The following CC2D2A variants were observed in gnomAD, a reference collection of about 807,000 sequenced individuals.
CC2D2A encodes coiled-coil and C2 domain containing 2A, also known as coiled-coil and C2 domain-containing protein 2A.
Under a neutral mutation model 212.9 loss-of-function variants are expected in CC2D2A, and 155 were observed. The observed-to-expected ratio is 0.73, with a 90% CI of 0.64 to 0.83. The LOEUF (loss-of-function observed/expected upper bound fraction) is 0.83, where lower values mean the gene tolerates loss of function less well. Ranked by LOEUF, CC2D2A falls within the 40% of genes least tolerant of loss-of-function variation. The pLI is 0.00. For synonymous variants in CC2D2A, 667 were observed against 686.5 expected, an observed-to-expected ratio of 0.97 and a Z score of 0.44; for missense variants, 1,856 against 1,956.2, an observed-to-expected ratio of 0.95 and a Z score of 0.97.
At chr4:15,499,335 T>A (rs1421825870) in intron 4 of CC2D2A, among the ~76,000 whole-genome samples, 1 of 152,188 alleles carries the variant, frequency 6.6e-6, no homozygotes. Context: ...GGTGCAATCA[T>A]CAGGGAAAGT....
At chr4:15,568,013 TG>T (rs1719974822) in intron 26 of CC2D2A, among the ~76,000 whole-genome samples, 1 of 152,190 alleles carries the variant, frequency 6.6e-6, no homozygotes, top group Admixed American at 6.5e-5. Context: ...GATTCATTGT[TG>T]GGACATCCTA....
intron 4 of CC2D2A, among the ~76,000 whole-genome samples, chr4:15,495,214 T>C (rs1197793367): frequency 6.6e-6 from 1 of 152,206 alleles, no homozygotes; most frequent in Non-Finnish European, 1.5e-5. Context: ...GTTCAAGTGA[T>C]TCTCCTGCCT....
At chr4:15,555,645 G>A (rs190939470) in intron 20 of CC2D2A, among the ~76,000 whole-genome samples, 1 of 152,286 alleles carries the variant, frequency 6.6e-6, no homozygotes, top group East Asian at 1.9e-4. Flanking sequence ...AGGCTGAGGT[G>A]GGAGGATCAA....
chr4:15,495,097 T>A (rs556996075), intron 4 of CC2D2A, among the ~76,000 whole-genome samples: 18 of 152,084 alleles, frequency 1.2e-4, no homozygotes, highest in African/African-American at 3.9e-4. Flanking sequence ...AAATACCCAA[T>A]GTCTGTTGTT....
chr4:15,519,382 A>C (rs1717074653), intron 11 of CC2D2A: 1 of 413,622 alleles, frequency 2.4e-6, no homozygotes, highest in Admixed American at 2.6e-5. Flanking sequence ...CCATTCAACA[A>C]GTCTCTAGGG....
chr4:15,492,672 G>A, intron 4 of CC2D2A: 1 of 616,070 alleles, frequency 1.6e-6, no homozygotes, highest in Non-Finnish European at 3.0e-6. Flanking sequence ...CAGCAGCTGA[G>A]GGTCTCTCTC....
intron 20 of CC2D2A, among the ~76,000 whole-genome samples, chr4:15,556,039 T>C (rs1312173774): frequency 6.6e-6 from 1 of 152,258 alleles, no homozygotes; most frequent in Non-Finnish European, 1.5e-5. Flanking sequence ...TCATTTAGGT[T>C]TCACTTAAGT....
chr4:15,536,921 G>A lies in CC2D2A; in HGVS notation c.1609G>A (p.Glu537Lys), dbSNP rs1370546657. 12 of 1,613,058 alleles carry A rather than the reference G, an allele frequency of 7.4e-6. No homozygotes were observed. The highest frequency in any genetic ancestry group is 1.0e-5 in the Non-Finnish European group (12 of 1,179,410). Reference sequence around the variant, plus strand: ...AAGGGACTACAAATTATTTTAAAGGGAAAAAGCTGACCAGAAAGCAGATGA... The same window carrying A: ...AAGGGACTACAAATTATTTTAAAGGAAAAAAGCTGACCAGAAAGCAGATGA... Reference protein sequence around the residue: ...NTPLKLVLRKEKADQKADEEA... With the variant: ...NTPLKLVLRKKKADQKADEEA... The change falls in exon 15 of 37, where the codon GAA (glutamate) becomes AAA (lysine). Residue 537 changes from glutamate to lysine, a missense_variant and splice_region_variant. Transcript: ENST00000424120.
At chr4:15,517,482 A>G (rs1716951056) in intron 11 of CC2D2A, among the ~76,000 whole-genome samples, 1 of 152,180 alleles carries the variant, frequency 6.6e-6, no homozygotes, top group Non-Finnish European at 1.5e-5. Context: ...GTCTGGTAAC[A>G]AGCTGCCTAA....
rs1379685075 is a variant in CC2D2A, at chr4:15,557,518, G to T, written c.2829+11G>T. On this transcript the variant is annotated intron_variant, in intron 21 of 36. Coordinates refer to ENST00000424120, the MANE Select transcript of CC2D2A (RefSeq NM_001378615.1). Reference sequence around the variant, plus strand: ...GAAAAGGTATTCCAGGTAAGAAACTGCCATAGAGGGGTTAATAAAATAATA... The same window carrying T: ...GAAAAGGTATTCCAGGTAAGAAACTTCCATAGAGGGGTTAATAAAATAATA... 2 of 1,552,230 alleles carry T rather than the reference G, an allele frequency of 1.3e-6. No individual in the cohort carries two copies. Among genetic ancestry groups the T allele is most frequent in the Non-Finnish European group, 1.8e-6 (2 of 1,138,686 alleles).
At chr4:15,552,245 C>T (rs1719042279) in intron 18 of CC2D2A, among the ~76,000 whole-genome samples, 1 of 152,198 alleles carries the variant, frequency 6.6e-6, no homozygotes. Flanking sequence ...TGTGTGATCA[C>T]TATTTGCCAG....
chr4:15,474,416 G>C (rs1479727105), intron 1 of CC2D2A, among the ~76,000 whole-genome samples: 2 of 152,112 alleles, frequency 1.3e-5, no homozygotes, highest in Non-Finnish European at 2.9e-5. Context: ...TGGAGATAGA[G>C]AAGAGAAGGA....
chr4:15,568,891 G>C (rs1041910290), intron 26 of CC2D2A, among the ~76,000 whole-genome samples: 1 of 152,166 alleles, frequency 6.6e-6, no homozygotes, highest in African/African-American at 2.4e-5. Flanking sequence ...CTGGAGAGTG[G>C]TTTTGCTGGA....
intron 7 of CC2D2A, among the ~76,000 whole-genome samples, 185 bp downstream of exon 7, chr4:15,510,425 A>G (rs994797547): frequency 7.9e-5 from 12 of 152,056 alleles, no homozygotes; most frequent in Non-Finnish European, 4.4e-5. Flanking sequence ...GCGAAACCCC[A>G]TCTCTACAAA....
At chr4:15,596,606 G>T (rs941817396) in intron 34 of CC2D2A, among the ~76,000 whole-genome samples, 6 of 152,136 alleles carry the variant, frequency 3.9e-5, no homozygotes, top group African/African-American at 4.8e-5. Context: ...GTAGTAGATT[G>T]TAAGTAGTAA....
intron 8 of CC2D2A, among the ~76,000 whole-genome samples, chr4:15,513,251 T>C (rs533427893): frequency 1.4e-4 from 22 of 152,224 alleles, no homozygotes; most frequent in Non-Finnish European, 2.9e-4. Context: ...CAAAAGCAAG[T>C]GATCTAGGGG....
At chr4:15,557,212 A>G in intron 20 of CC2D2A, 92 bp from the exon 21 acceptor site, 1 of 728,548 alleles carries the variant, frequency 1.4e-6, no homozygotes, top group Non-Finnish European at 2.3e-6. Context: ...TTTTAATCTA[A>G]AACTGTTAAA....
chr4:15,536,306 CG>C (rs1235626504), intron 14 of CC2D2A, among the ~76,000 whole-genome samples: 1 of 15,230 alleles, frequency 6.6e-5, no homozygotes, highest in East Asian at 9.9e-4. Context: ...CAGGGCCTGT[CG>C]GGGGTGGGAG....
chr4:15,579,024 C>CAA (rs71179639), intron 29 of CC2D2A, among the ~76,000 whole-genome samples: 4 of 151,826 alleles, frequency 2.6e-5, no homozygotes, highest in South Asian at 4.1e-4. Context: ...TATTTTTATA[C>CAA]AAAAAAAATT....
Sources: allele counts gnomAD v4.1 joint callset (sites outside exome capture counted in the v4.1 genomes callset), GRCh38; gene constraint gnomAD v4.1.1; transcripts MANE v1.5; gene names NCBI Gene and HGNC (gene_info 2026-07-23, HGNC 2026-07-21).